Variants in HMG20A observed in about 807,000 individuals in gnomAD.
HMG20A encodes high mobility group 20A.
HMG20A carries 17 observed loss-of-function variants against 43.9 expected under a neutral mutation model. The ratio of observed to expected loss-of-function variants is 0.39; its 90% CI spans 0.27 to 0.58. HMG20A has a LOEUF of 0.58. Among genes scored for constraint, HMG20A ranks in the 20% least tolerant of loss-of-function variants. The pLI is 0.59. For missense variants in HMG20A, 341 were observed against 438.2 expected (o/e 0.78, Z 1.98); for synonymous variants, 132 against 147.5 (o/e 0.89, Z 0.76).
intron 4 of HMG20A, 147 bp from the exon 5 acceptor site, chr15:77,470,763 C>T (rs886494675): frequency 8.3e-6 from 5 of 601,514 alleles, no homozygotes; most frequent in Non-Finnish European, 1.3e-5. Context: ...TCATACAACT[C>T]TTGTTTTTCT....
the HMG20A span, among the ~76,000 whole-genome samples, chr15:77,503,085 CT>C: frequency 6.6e-6 from 1 of 152,190 alleles, no homozygotes; most frequent in South Asian, 2.1e-4. Context: ...TACTTATTTG[CT>C]TAGGTATTCT....
At chr15:77,460,738 C>G (rs1447516333) in intron 2 of HMG20A, among the ~76,000 whole-genome samples, 1 of 152,162 alleles carries the variant, frequency 6.6e-6, no homozygotes, top group Non-Finnish European at 1.5e-5. Context: ...GTAATCCCAG[C>G]ACTTTGGTAG....
the HMG20A span, among the ~76,000 whole-genome samples, chr15:77,507,239 C>T: frequency 1.5e-4 from 23 of 152,242 alleles, no homozygotes; most frequent in Non-Finnish European, 2.8e-4. Flanking sequence ...CAAATCTCTC[C>T]GTGCATCATG....
At chr15:77,505,734 C>T in the HMG20A span, among the ~76,000 whole-genome samples, 4 of 152,326 alleles carry the variant, frequency 2.6e-5, no homozygotes, top group South Asian at 8.3e-4. Flanking sequence ...GGCTGCAGGG[C>T]TACAGGGCTG....
the HMG20A span, among the ~76,000 whole-genome samples, chr15:77,492,736 G>A: frequency 2.6e-5 from 4 of 152,008 alleles, no homozygotes; most frequent in Non-Finnish European, 5.9e-5. Flanking sequence ...GCTGGAGCCC[G>A]GGAAGTCGTG....
intron 2 of HMG20A, among the ~76,000 whole-genome samples, chr15:77,462,608 C>A (rs1049542450): frequency 1.2e-4 from 18 of 151,814 alleles, no homozygotes; most frequent in Non-Finnish European, 2.4e-4. Context: ...TCCACACACA[C>A]ACACACACAC....
chr15:77,471,036 A>T lies in HMG20A; in HGVS notation c.577A>T (p.Arg193Trp), dbSNP rs747064948. Reference sequence around the variant, plus strand: ...GGACCGTCAGAAAGGCAAATCTCATAGGCAAGGTATCAAAACCAGAACCAA... The same window carrying T: ...GGACCGTCAGAAAGGCAAATCTCATTGGCAAGGTATCAAAACCAGAACCAA... ...TQDRQKGKSH[R>W]QDAARQATHD... Residue 193 changes from arginine to tryptophan, a missense_variant, in exon 5 of 10, where the codon AGG (arginine) becomes TGG (tryptophan). Transcript: ENST00000336216. The T allele has an allele frequency of 6.2e-7, 1 of 1,609,356 alleles. No individual in the cohort carries two copies. Among genetic ancestry groups the T allele is most frequent in the Non-Finnish European group, 8.5e-7 (1 of 1,178,782 alleles).
chr15:77,449,442 C>T (rs1289423531), intron 1 of HMG20A, among the ~76,000 whole-genome samples: 1 of 152,182 alleles, frequency 6.6e-6, no homozygotes, highest in Non-Finnish European at 1.5e-5. Context: ...TTAATGTCCA[C>T]AGCCCACTGA....
the HMG20A span, among the ~76,000 whole-genome samples, chr15:77,497,692 T>A: frequency 5.0e-4 from 73 of 144,626 alleles, no homozygotes; most frequent in Middle Eastern, 3.5e-3. Flanking sequence ...AGTGTGTGTG[T>A]GTGTGTGTGT....
intron 4 of HMG20A, among the ~76,000 whole-genome samples, chr15:77,469,655 A>ATTTG (rs71447155): frequency 1.4e-3 from 211 of 151,456 alleles, no homozygotes; most frequent in Middle Eastern, 3.4e-3. Context: ...CCATTTATTT[A>ATTTG]TTTGTTTGTT....
intron 1 of HMG20A, among the ~76,000 whole-genome samples, chr15:77,422,144 A>G (rs1383222807): frequency 6.6e-6 from 1 of 152,240 alleles, no homozygotes; most frequent in Non-Finnish European, 1.5e-5. Flanking sequence ...TGTGTATTGA[A>G]GGAATCAATC....
downstream of HMG20A, among the ~76,000 whole-genome samples, chr15:77,486,388 G>C (rs1167686774): frequency 6.6e-6 from 1 of 151,698 alleles, no homozygotes; most frequent in African/African-American, 2.4e-5. Context: ...AGCCTCCCGA[G>C]TAGCTGGGAT....
chr15:77,494,466 C>T, the HMG20A span, among the ~76,000 whole-genome samples: 1 of 152,138 alleles, frequency 6.6e-6, no homozygotes, highest in Non-Finnish European at 1.5e-5. Context: ...TCATCCTGCC[C>T]TTGACATCAG....
chr15:77,513,732 CTT>C, the HMG20A span, among the ~76,000 whole-genome samples: 52 of 143,022 alleles, frequency 3.6e-4, no homozygotes, highest in Admixed American at 3.5e-4. Context: ...TCACTACCTC[CTT>C]TTTTTTTTTT....
chr15:77,504,927 C>T, the HMG20A span, among the ~76,000 whole-genome samples: 1 of 152,210 alleles, frequency 6.6e-6, no homozygotes, highest in Non-Finnish European at 1.5e-5. Flanking sequence ...CATGACATGT[C>T]TGCTGTATTA....
In HMG20A at chr15:77,459,819, T is replaced by A. The variant is rs1034190283; in HGVS notation, c.89+1323T>A. On this transcript the variant is annotated intron_variant, in intron 2 of 9. Transcript: ENST00000336216. Reference sequence around the variant, plus strand: ...AGCTGATGAAAATGCAGATTCTGATTTAGAAAATCTTAGGACCAGAGATTC... The same window carrying A: ...AGCTGATGAAAATGCAGATTCTGATATAGAAAATCTTAGGACCAGAGATTC... Among the ~76,000 whole-genome samples the A allele has an allele frequency of 2.0e-5, 3 of 152,178 alleles. No homozygotes were observed. The East Asian group carries it at 5.8e-4, about 29-fold the overall frequency.
chr15:77,478,773 A>G (rs778271722), intron 8 of HMG20A, among the ~76,000 whole-genome samples: 1 of 152,172 alleles, frequency 6.6e-6, no homozygotes, highest in Non-Finnish European at 1.5e-5. Flanking sequence ...TTAATTTGCT[A>G]TTCAGAACAC....
the HMG20A span, among the ~76,000 whole-genome samples, chr15:77,506,915 A>G: frequency 1.2e-3 from 190 of 152,382 alleles, no homozygotes; most frequent in African/African-American, 4.5e-3. Context: ...AGGCCTGGGC[A>G]GCCCTGGTGT....
intron 1 of HMG20A, among the ~76,000 whole-genome samples, chr15:77,448,619 G>T (rs2073701282): frequency 6.6e-6 from 1 of 151,606 alleles, no homozygotes; most frequent in African/African-American, 2.4e-5. Context: ...CTTGTTTTTT[G>T]TCTGTTCCAG....
Sources: gnomAD v4.1 joint callset for allele counts (sites outside exome capture counted in the v4.1 genomes callset) on GRCh38, gnomAD v4.1.1 for gene constraint, MANE v1.5 for transcripts, NCBI Gene and HGNC (gene_info 2026-07-23, HGNC 2026-07-21) for gene names.